Variants in DOCK9 observed in about 807,000 individuals in gnomAD.
DOCK9 encodes dedicator of cytokinesis protein 9.
A neutral mutation model predicts 263.3 loss-of-function variants in DOCK9; 89 were observed. The observed-to-expected ratio is 0.34, with a 90% CI of 0.28 to 0.40. DOCK9 has a LOEUF of 0.40. DOCK9 is among the 10% of genes least tolerant of loss of function. The pLI is 1.00. For missense variants in DOCK9, 2,140 were observed against 2,603.4 expected, an observed-to-expected ratio of 0.82 and a Z score of 3.87; for synonymous variants, 976 against 973.1, an observed-to-expected ratio of 1.00 and a Z score of -0.06.
At chr13:98,937,828 G>A (rs1047465432) in intron 2 of DOCK9, among the ~76,000 whole-genome samples, 13 of 151,906 alleles carry the variant, frequency 8.6e-5, no homozygotes, top group African/African-American at 2.9e-4. Context: ...ATTTCAAATA[G>A]ATCCTTTTTA....
In DOCK9 at chr13:98,868,007, C is replaced by CAT; in HGVS notation, c.3093_3094dup (p.Cys1032TyrfsTer40). The CAT allele has an allele frequency of 6.2e-7, 1 of 1,613,368 alleles. No individual in the cohort carries two copies. The highest frequency in any genetic ancestry group is 8.5e-7 in the Non-Finnish European group (1 of 1,179,654). On this transcript the variant is annotated frameshift_variant, in exon 29 of 53. Coordinates refer to ENST00000682017, the MANE Select transcript of DOCK9 (RefSeq NM_001366683.2). LOFTEE classifies it high-confidence loss of function. ...AAAGCCCCTGTCCATGAAGGTGAAA[C>CAT]ATCTCTGTGGAGGAAAACAAGCAAA...
intron 34 of DOCK9, among the ~76,000 whole-genome samples, chr13:98,854,029 G>A (rs183422617): frequency 6.8e-4 from 104 of 152,254 alleles, no homozygotes; most frequent in Admixed American, 4.2e-3. Flanking sequence ...ATTATGGGGC[G>A]TGCTGTGGGC....
intron 15 of DOCK9, among the ~76,000 whole-genome samples, chr13:98,896,874 A>G (rs1264389394): frequency 6.6e-6 from 1 of 152,224 alleles, no homozygotes; most frequent in Admixed American, 6.5e-5. Context: ...CTATTTGGAA[A>G]CAGGGTCTCT....
At chr13:98,954,794 C>T (rs1459220019) in intron 2 of DOCK9, among the ~76,000 whole-genome samples, 2 of 151,656 alleles carry the variant, frequency 1.3e-5, no homozygotes, top group Non-Finnish European at 1.5e-5. Context: ...CAAAACAAAT[C>T]TCAAAAGACA....
intron 43 of DOCK9, among the ~76,000 whole-genome samples, chr13:98,827,864 C>T (rs1406987682): frequency 2.0e-5 from 3 of 152,188 alleles, no homozygotes; most frequent in African/African-American, 7.2e-5. Flanking sequence ...TAGCTGCTTT[C>T]GTCCCTTATT....
At chr13:98,812,604 A>C (rs1436183912) in intron 45 of DOCK9, among the ~76,000 whole-genome samples, 3 of 152,300 alleles carry the variant, frequency 2.0e-5, no homozygotes, top group Non-Finnish European at 4.4e-5. Context: ...CTTATTTTAA[A>C]AAGCAAACAT....
chr13:98,896,982 A>G (rs2047536062), intron 15 of DOCK9, among the ~76,000 whole-genome samples: 1 of 152,254 alleles, frequency 6.6e-6, no homozygotes. Context: ...ACACAGGAAG[A>G]GGACCATGTG....
At chr13:99,021,347 T>G (rs931700149) in intron 1 of DOCK9, among the ~76,000 whole-genome samples, 4 of 152,106 alleles carry the variant, frequency 2.6e-5, no homozygotes, top group African/African-American at 9.7e-5. Context: ...AAAAATGATT[T>G]AAAGAGGGAA....
intron 1 of DOCK9, among the ~76,000 whole-genome samples, chr13:99,082,733 G>A (rs988750845): frequency 3.3e-5 from 5 of 152,192 alleles, no homozygotes; most frequent in Middle Eastern, 3.4e-3. Flanking sequence ...CTGCCTAAGA[G>A]CTTCACCCAC....
chr13:98,819,758 A>G (rs1359994190), intron 45 of DOCK9, among the ~76,000 whole-genome samples: 1 of 152,186 alleles, frequency 6.6e-6, no homozygotes, highest in Non-Finnish European at 1.5e-5. Flanking sequence ...TAAAGGTTTA[A>G]CCACCACGCT....
intron 1 of DOCK9, among the ~76,000 whole-genome samples, chr13:98,973,732 G>C (rs1293924351): frequency 6.6e-6 from 1 of 152,134 alleles, no homozygotes; most frequent in East Asian, 1.9e-4. Flanking sequence ...CGAGAAGCTG[G>C]GACTATAGGT....
chr13:98,810,045 G>A, intron 46 of DOCK9, 124 bp downstream of exon 46: 3 of 1,349,422 alleles, frequency 2.2e-6, no homozygotes, highest in Non-Finnish European at 3.1e-6. Flanking sequence ...TAACGTGGAG[G>A]GTCAGAGACC....
upstream of DOCK9, among the ~76,000 whole-genome samples, chr13:98,979,229 T>C (rs76940550): frequency 0.094 from 11,786 of 124,888 alleles, 531 homozygotes; most frequent in African/African-American, 0.15. Context: ...GTAGTAGTAG[T>C]AGCAGCAGCG....
intron 11 of DOCK9, among the ~76,000 whole-genome samples, chr13:98,902,752 T>C (rs575774361): frequency 6.6e-6 from 1 of 152,350 alleles, no homozygotes; most frequent in South Asian, 2.1e-4. Context: ...GCATCTAAGA[T>C]GAACTCTGTC....
chr13:99,010,735 C>T (rs554225820), intron 1 of DOCK9, among the ~76,000 whole-genome samples: 172 of 152,292 alleles, frequency 1.1e-3, no homozygotes, highest in Admixed American at 2.2e-3. Flanking sequence ...TAATGTAGCG[C>T]CCACCATATG....
At chr13:98,836,466 T>A (rs9584945) in intron 39 of DOCK9, among the ~76,000 whole-genome samples, 36,239 of 152,106 alleles carry the variant, frequency 0.24, 5,348 homozygotes, top group African/African-American at 0.42. Flanking sequence ...TCTGATCCAG[T>A]GGGTCTGGGG....
chr13:98,833,453 C>A (rs1056179871), intron 39 of DOCK9, among the ~76,000 whole-genome samples: 1 of 152,172 alleles, frequency 6.6e-6, no homozygotes, highest in African/African-American at 2.4e-5. Context: ...GTTCTGCTGT[C>A]TGAACTGGCC....
intron 14 of DOCK9, 31 bp downstream of exon 14, chr13:98,898,148 C>T (rs757798310): frequency 1.1e-5 from 17 of 1,522,948 alleles, no homozygotes; most frequent in African/African-American, 2.7e-5. Context: ...CTATCTATAT[C>T]GATTTAAAAG....
At chr13:98,852,976 C>T (rs1034377972) in intron 35 of DOCK9, among the ~76,000 whole-genome samples, 3 of 152,198 alleles carry the variant, frequency 2.0e-5, no homozygotes, top group Non-Finnish European at 2.9e-5. Context: ...GGAAGGAATG[C>T]TTAGGTCCCC....
Sources: gnomAD v4.1 joint callset for allele counts (sites outside exome capture counted in the v4.1 genomes callset) on GRCh38, gnomAD v4.1.1 for gene constraint, MANE v1.5 for transcripts, NCBI Gene and HGNC (gene_info 2026-07-23, HGNC 2026-07-21) for gene names.